ZMIZ1: variants seen among roughly 807,000 people sequenced by gnomAD.
ZMIZ1 encodes zinc finger MIZ-type containing 1.
In ZMIZ1, 17 loss-of-function variants were observed where a neutral mutation model predicts 113.9. The observed-to-expected ratio is 0.15, with a 90% CI of 0.10 to 0.22. ZMIZ1 has a LOEUF of 0.22. Among genes scored for constraint, ZMIZ1 ranks in the 10% least tolerant of loss-of-function variants. The probability of loss-of-function intolerance (pLI) is 1.00; values close to 1 mark genes in which losing one functional copy is unlikely to be tolerated. For missense variants in ZMIZ1, 1,059 were observed against 1,477.8 expected, an observed-to-expected ratio of 0.72 and a Z score of 4.65; for synonymous variants, 607 against 603.1, an observed-to-expected ratio of 1.01 and a Z score of -0.09.
chr10:79,254,605 C>T (rs1056271142), intron 7 of ZMIZ1, among the ~76,000 whole-genome samples: 1 of 152,238 alleles, frequency 6.6e-6, no homozygotes, highest in African/African-American at 2.4e-5. Context: ...GAGCCAGGGC[C>T]ACCCCTCAGG....
At chr10:79,242,411 C>T (rs917083686) in intron 7 of ZMIZ1, among the ~76,000 whole-genome samples, 1 of 152,144 alleles carries the variant, frequency 6.6e-6, no homozygotes, top group African/African-American at 2.4e-5. Flanking sequence ...GCCCCTCGCT[C>T]GGGGAATCCC....
At chr10:79,105,738 G>A (rs1035477608) in intron 1 of ZMIZ1, among the ~76,000 whole-genome samples, 1 of 152,196 alleles carries the variant, frequency 6.6e-6, no homozygotes, top group African/African-American at 2.4e-5. Flanking sequence ...GGCTAATTTT[G>A]TATTTAAGGT....
intron 7 of ZMIZ1, among the ~76,000 whole-genome samples, chr10:79,247,024 G>A (rs1020214042): frequency 1.2e-4 from 18 of 152,214 alleles, no homozygotes; most frequent in Admixed American, 1.2e-3. Context: ...CCTGAGGTGA[G>A]GGTTAGCTTC....
At chr10:79,218,041 A>G (rs1848809294) in intron 7 of ZMIZ1, among the ~76,000 whole-genome samples, 1 of 152,240 alleles carries the variant, frequency 6.6e-6, no homozygotes, top group African/African-American at 2.4e-5. Context: ...GTCCTGCCTT[A>G]AGAAACTTAT....
At position 79,118,445 on chromosome 10, in the gene ZMIZ1, G is replaced by GCA. The variant is rs1844151170; in HGVS notation, c.-336-467_-336-466dup. On this transcript the variant is annotated intron_variant, in intron 1 of 24. Transcript: ENST00000334512. This position sits in a 1 kb window ranked among gnomAD's most constrained non-coding sequence, Gnocchi z 4.1. ...CGGGAGGAGGCAAGGTTGGCCAGGC[G>GCA]CACAGCCCACTGGAGATGAACAAGC... 6.6e-6 allele frequency among the ~76,000 whole-genome samples: 1 copy of GCA among 152,194 alleles called. No individual in the cohort carries two copies. Among genetic ancestry groups the GCA allele is most frequent in the Non-Finnish European group, 1.5e-5 (1 of 68,032 alleles).
intron 14 of ZMIZ1, 28 bp from the exon 15 acceptor site, chr10:79,298,378 C>A: frequency 6.2e-7 from 1 of 1,601,612 alleles, no homozygotes; most frequent in Non-Finnish European, 8.5e-7. Flanking sequence ...AATCCCATAA[C>A]TCGTGCGTGT....
chr10:79,181,573 AGC>A (rs1238337934), intron 4 of ZMIZ1, among the ~76,000 whole-genome samples: 1 of 152,158 alleles, frequency 6.6e-6, no homozygotes, highest in Middle Eastern at 3.2e-3. Flanking sequence ...GCCGGGGTGA[AGC>A]CCAGGCATCA....
intron 5 of ZMIZ1, among the ~76,000 whole-genome samples, chr10:79,203,651 C>G (rs1848194283): frequency 6.6e-6 from 1 of 152,208 alleles, no homozygotes. Context: ...TCCGTATCAC[C>G]AGGGGTCAGG....
chr10:79,122,344 A>G (rs1844330418), intron 2 of ZMIZ1, among the ~76,000 whole-genome samples: 1 of 152,156 alleles, frequency 6.6e-6, no homozygotes, highest in Non-Finnish European at 1.5e-5. Flanking sequence ...TCTTTCCGTC[A>G]CGTAGTGATG....
intron 1 of ZMIZ1, among the ~76,000 whole-genome samples, chr10:79,096,504 T>G (rs1843174419): frequency 6.6e-6 from 1 of 151,730 alleles, no homozygotes; most frequent in East Asian, 1.9e-4. Flanking sequence ...AGAGTGAGAC[T>G]CCGTCTCAAA....
intron 7 of ZMIZ1, among the ~76,000 whole-genome samples, chr10:79,267,371 G>T (rs917853190): frequency 2.0e-5 from 3 of 152,222 alleles, no homozygotes; most frequent in Admixed American, 6.5e-5. Flanking sequence ...CAGTACTTAG[G>T]TGGAGAAATG....
intron 4 of ZMIZ1, among the ~76,000 whole-genome samples, chr10:79,183,761 A>G (rs771427229): frequency 6.6e-6 from 1 of 152,118 alleles, no homozygotes; most frequent in African/African-American, 2.4e-5. Flanking sequence ...AAACAAATCA[A>G]TATTTGCAGA....
At position 79,264,144 on chromosome 10, in the gene ZMIZ1, G is replaced by A. The variant is rs141981384; in HGVS notation, c.281-13037G>A. Reference sequence around the variant, plus strand: ...CAGGCTCCGTGGTTCCTGGGCATGCGGGTGTGGCTCAGTTCTCACCTTGCA... The same window carrying A: ...CAGGCTCCGTGGTTCCTGGGCATGCAGGTGTGGCTCAGTTCTCACCTTGCA... On this transcript the variant is annotated intron_variant, in intron 7 of 24. Coordinates refer to ENST00000334512, the MANE Select transcript of ZMIZ1 (RefSeq NM_020338.4). Among the ~76,000 whole-genome samples the A allele has an allele frequency of 2.8e-3, 425 of 152,308 alleles. 5 individuals are homozygous for A. The highest frequency in any genetic ancestry group is 3.5e-3 in the Admixed American group (54 of 15,296).
At chr10:79,286,029 G>C (rs906882095) in intron 8 of ZMIZ1, among the ~76,000 whole-genome samples, 35 of 152,212 alleles carry the variant, frequency 2.3e-4, no homozygotes, top group Non-Finnish European at 8.8e-5. Flanking sequence ...TGTTGGGGCC[G>C]TTTTGGCTGG....
intron 7 of ZMIZ1, among the ~76,000 whole-genome samples, chr10:79,256,899 A>G (rs1199653231): frequency 6.6e-6 from 1 of 152,184 alleles, no homozygotes; most frequent in African/African-American, 2.4e-5. Flanking sequence ...AAGAAAATAA[A>G]AAAGAGGTGG....
chr10:79,198,382 GTTAC>G (rs1847932049), intron 4 of ZMIZ1, among the ~76,000 whole-genome samples: 2 of 150,068 alleles, frequency 1.3e-5, no homozygotes, highest in East Asian at 1.9e-4. Flanking sequence ...TTTTATTATT[GTTAC>G]TTATTTATTT....
At chr10:79,160,656 G>A (rs1846076831) in intron 3 of ZMIZ1, among the ~76,000 whole-genome samples, 1 of 152,248 alleles carries the variant, frequency 6.6e-6, no homozygotes, top group South Asian at 2.1e-4. Context: ...CAATCACCAG[G>A]CCTCTTTGCC....
At chr10:79,099,654 G>A (rs1039894741) in intron 1 of ZMIZ1, among the ~76,000 whole-genome samples, 1 of 152,170 alleles carries the variant, frequency 6.6e-6, no homozygotes, top group African/African-American at 2.4e-5. Context: ...TGGAGCCCAA[G>A]TCCCTGCACT....
At chr10:79,186,566 A>G (rs1847360472) in intron 4 of ZMIZ1, among the ~76,000 whole-genome samples, 1 of 152,258 alleles carries the variant, frequency 6.6e-6, no homozygotes, top group Non-Finnish European at 1.5e-5. Flanking sequence ...CTAATGAATT[A>G]CAGCATGATT....
Sources: gnomAD v4.1 joint callset for allele counts (sites outside exome capture counted in the v4.1 genomes callset) on GRCh38, gnomAD v4.1.1 for gene constraint, Gnocchi (gnomAD v3.1) non-coding constraint, MANE v1.5 for transcripts, NCBI Gene and HGNC (gene_info 2026-07-23, HGNC 2026-07-21) for gene names.